The following TENM3 variants were observed in gnomAD, a reference collection of about 807,000 sequenced individuals.
The protein encoded by TENM3 is teneurin transmembrane protein 3.
In TENM3, 63 loss-of-function variants were observed where a neutral mutation model predicts 255.1. The observed-to-expected ratio is 0.25, with a 90% CI of 0.20 to 0.30. The LOEUF (loss-of-function observed/expected upper bound fraction) is 0.30, where lower values mean the gene tolerates loss of function less well. Ranked by LOEUF, TENM3 falls within the 10% of genes least tolerant of loss-of-function variation. The pLI, the probability that TENM3 is intolerant of heterozygous loss-of-function variation, is 1.00. For synonymous variants in TENM3, 1,306 were observed against 1,322.3 expected (o/e 0.99, Z 0.27); for missense variants, 2,929 against 3,461.1 (o/e 0.85, Z 3.86).
intron 2 of TENM3, among the ~76,000 whole-genome samples, chr4:182,336,529 T>C (rs1167825570): frequency 1.3e-5 from 2 of 152,154 alleles, no homozygotes; most frequent in African/African-American, 4.8e-5. Context: ...AGTCAAAAGG[T>C]CAAAGGCCAA....
the TENM3 span, among the ~76,000 whole-genome samples, chr4:181,660,772 AAT>A: frequency 6.6e-6 from 1 of 152,138 alleles, no homozygotes; most frequent in Admixed American, 6.6e-5. Flanking sequence ...TCCCTCATTC[AAT>A]ATGTTTTACA....
At chr4:181,695,707 C>T in the TENM3 span, among the ~76,000 whole-genome samples, 4 of 152,238 alleles carry the variant, frequency 2.6e-5, no homozygotes, top group Admixed American at 2.6e-4. Context: ...AACTTCTAAG[C>T]CAGAACAGAC....
the TENM3 span, among the ~76,000 whole-genome samples, chr4:182,119,295 G>C: frequency 3.9e-5 from 6 of 152,228 alleles, no homozygotes; most frequent in South Asian, 1.2e-3. Flanking sequence ...GAAGCACGAA[G>C]AAATATTTCT....
Position 182,792,421 on chromosome 4 carries a change from C to A in TENM3, c.5749C>A (p.Pro1917Thr), listed in dbSNP as rs369767756. 2 of 1,613,914 alleles carry A rather than the reference C, an allele frequency of 1.2e-6. No individual in the cohort carries two copies. Among genetic ancestry groups the A allele is most frequent in the African/African-American group, 2.7e-5 (2 of 74,940 alleles). ...SIGYYRNIYNPPESNASIITD... is the reference protein window; with the variant it reads ...SIGYYRNIYNTPESNASIITD... The stretch of plus-strand genomic sequence containing the variant: ...TGGCTACTACCGCAACATATACAAC[C>A]CCCCGGAAAGCAACGCCTCCATCAT... Residue 1917 changes from proline (P) to threonine (T), a missense_variant, in exon 26 of 28, where the codon CCC becomes ACC. By Grantham distance (38) the Pro-to-Thr change is conservative. Around this residue, in one of 6 missense-constraint regions of TENM3, gnomAD observed 303 missense variants for 425.2 expected, o/e 0.71. Transcript: ENST00000511685. This position sits in a 1 kb window ranked among gnomAD's most constrained non-coding sequence, Gnocchi z 6.3.
intron 4 of TENM3, among the ~76,000 whole-genome samples, chr4:182,605,988 A>G (rs1748380232): frequency 6.6e-6 from 1 of 152,204 alleles, no homozygotes; most frequent in African/African-American, 2.4e-5. Context: ...TGCCTTAGAT[A>G]AATAAGAATA....
rs185832066 is a variant in TENM3 at position 182,701,345 on chromosome 4, C to T, written c.2222-12742C>T. On this transcript the variant is annotated intron_variant, in intron 12 of 27. Coordinates refer to ENST00000511685, the MANE Select transcript of TENM3 (RefSeq NM_001080477.4). ...AAGCAATTCTCCTGCCTCAGCCTCC[C>T]GAGTAGCTGGGACTACAGGCGCCCA... 4.4e-3 allele frequency among the ~76,000 whole-genome samples: 662 copies of T among 150,584 alleles called. 5 individuals are homozygous for T. The highest frequency in any genetic ancestry group is 0.011 in the African/African-American group (461 of 41,020).
chr4:182,606,959 C>T (rs1418679306), intron 4 of TENM3, among the ~76,000 whole-genome samples: 1 of 152,160 alleles, frequency 6.6e-6, no homozygotes, highest in Non-Finnish European at 1.5e-5. Context: ...AAAGCATATG[C>T]TTTAGAGACC....
chr4:182,068,502 G>T, the TENM3 span, among the ~76,000 whole-genome samples: 74 of 151,002 alleles, frequency 4.9e-4, no homozygotes, highest in African/African-American at 1.3e-3. Context: ...GATGAGAAAT[G>T]AGGAAAGGTT....
At chr4:181,647,829 G>C in the TENM3 span, among the ~76,000 whole-genome samples, 1 of 152,174 alleles carries the variant, frequency 6.6e-6, no homozygotes, top group Admixed American at 6.5e-5. Flanking sequence ...CCGAACGGCA[G>C]CGAGTCTGAA....
At chr4:182,784,293 G>C (rs1007070100) in intron 24 of TENM3, among the ~76,000 whole-genome samples, 4 of 152,042 alleles carry the variant, frequency 2.6e-5, no homozygotes, top group African/African-American at 9.7e-5. Flanking sequence ...TCAGCTGCAG[G>C]TCTGTTGGAA....
Position 182,584,949 on chromosome 4 carries a change from T to A in TENM3, c.512-15975T>A, listed in dbSNP as rs183159920. 2.9e-3 allele frequency among the ~76,000 whole-genome samples: 449 copies of A among 152,250 alleles called. 4 individuals are homozygous for A. Among genetic ancestry groups the A allele is most frequent in the African/African-American group, 0.01 (423 of 41,558 alleles). ...GAGCCACCGTGCCCAGCTGTATATT[T>A]GCCTTTATAAATTTAGAAATGAAAA... On this transcript the variant is annotated intron_variant, in intron 3 of 27. Coordinates refer to ENST00000511685, the MANE Select transcript of TENM3 (RefSeq NM_001080477.4).
chr4:182,306,528 C>T (rs866567848), intron 1 of TENM3, among the ~76,000 whole-genome samples: 4 of 152,150 alleles, frequency 2.6e-5, no homozygotes, highest in Non-Finnish European at 5.9e-5. Flanking sequence ...GAGTTTATAA[C>T]AAAATGTTTT....
chr4:181,456,187 GTATATGTGTATATA>G, the TENM3 span, among the ~76,000 whole-genome samples: 7 of 127,366 alleles, frequency 5.5e-5, no homozygotes, highest in East Asian at 1.0e-3. Flanking sequence ...ATGTATATAT[GTATATGTGTATATA>G]TATATGTGTA....
At chr4:181,873,841 G>A in the TENM3 span, among the ~76,000 whole-genome samples, 4 of 152,028 alleles carry the variant, frequency 2.6e-5, no homozygotes, top group Non-Finnish European at 5.9e-5. Context: ...CTGAAGTGCA[G>A]TGGCATGATC....
chr4:182,433,648 G>C (rs1250801997), intron 3 of TENM3, among the ~76,000 whole-genome samples: 1 of 152,160 alleles, frequency 6.6e-6, no homozygotes, highest in African/African-American at 2.4e-5. Flanking sequence ...CTGAGGAATG[G>C]GAGTTACTCT....
the TENM3 span, among the ~76,000 whole-genome samples, chr4:181,634,859 A>C: frequency 6.6e-6 from 1 of 152,206 alleles, no homozygotes; most frequent in East Asian, 1.9e-4. Context: ...AGTTTTTGAA[A>C]TTAATTAATA....
chr4:181,687,699 C>T, the TENM3 span, among the ~76,000 whole-genome samples: 1,016 of 152,184 alleles, frequency 6.7e-3, 14 homozygotes, highest in African/African-American at 0.023. Context: ...TCAGAAATTC[C>T]CATGAAGCCA....
At chr4:181,573,041 G>T in the TENM3 span, among the ~76,000 whole-genome samples, 1 of 151,870 alleles carries the variant, frequency 6.6e-6, no homozygotes, top group Non-Finnish European at 1.5e-5. Flanking sequence ...ATGACCCTCT[G>T]ATTCCATCCA....
At chr4:182,676,681 A>G (rs10520540) in intron 7 of TENM3, among the ~76,000 whole-genome samples, 2,838 of 152,328 alleles carry the variant, frequency 0.019, 53 homozygotes, top group East Asian at 0.053. Context: ...TAAATGGTCT[A>G]TTAGATAATC....
Sources: gnomAD v4.1 joint callset for allele counts (sites outside exome capture counted in the v4.1 genomes callset) on GRCh38, gnomAD v4.1.1 for gene constraint, gnomAD v4.1.1 regional missense constraint, Gnocchi (gnomAD v3.1) non-coding constraint, MANE v1.5 for transcripts, NCBI Gene and HGNC (gene_info 2026-07-23, HGNC 2026-07-21) for gene names.